The following QNG1 variants were observed in gnomAD, a reference collection of about 807,000 sequenced individuals.
The protein encoded by QNG1 is queuosine 5'-phosphate N-glycosylase/hydrolase.
At chr9:83,956,069 A>G in the QNG1 span, 9 of 1,286,000 alleles carry the variant, frequency 7.0e-6, no homozygotes, top group South Asian at 6.4e-5. Flanking sequence ...CCATTATTCC[A>G]TCTCCCAACC....
chr9:83,948,166 C>T, the QNG1 span, among the ~76,000 whole-genome samples: 1 of 151,718 alleles, frequency 6.6e-6, no homozygotes, highest in African/African-American at 2.4e-5. Context: ...CCGGCCGCGA[C>T]CCCGTCTGGG....
the QNG1 span, among the ~76,000 whole-genome samples, chr9:83,950,940 T>C: frequency 2.0e-5 from 3 of 152,116 alleles, no homozygotes; most frequent in Non-Finnish European, 2.9e-5. Flanking sequence ...AATTTTATCA[T>C]GAATAAATAG....
chr9:83,952,604 C>T, the QNG1 span, among the ~76,000 whole-genome samples: 1 of 151,996 alleles, frequency 6.6e-6, no homozygotes, highest in Non-Finnish European at 1.5e-5. Context: ...ACCATCCTGG[C>T]TAACACGGTG....
At chr9:83,943,265 G>A in the QNG1 span, among the ~76,000 whole-genome samples, 4 of 149,202 alleles carry the variant, frequency 2.7e-5, no homozygotes, top group African/African-American at 5.0e-5. Context: ...GCTTGAACCT[G>A]GGAGGCGGAG....
the QNG1 span, among the ~76,000 whole-genome samples, chr9:83,944,558 A>G: frequency 1.3e-5 from 2 of 152,270 alleles, no homozygotes; most frequent in Non-Finnish European, 2.9e-5. Flanking sequence ...AGGTTTCATT[A>G]GGCTATGAAA....
chr9:83,956,634 C>T, the QNG1 span: 1 of 701,286 alleles, frequency 1.4e-6, no homozygotes, highest in East Asian at 2.9e-5. Context: ...GGAGTGGCAC[C>T]GAGAACTTAG....
chr9:83,945,659 T>C, the QNG1 span, among the ~76,000 whole-genome samples: 82 of 152,160 alleles, frequency 5.4e-4, no homozygotes, highest in Admixed American at 1.3e-3. Flanking sequence ...TGGAGTGCAG[T>C]GGTGCAATCT....
the QNG1 span, among the ~76,000 whole-genome samples, chr9:83,952,918 T>C: frequency 1.4e-5 from 2 of 144,690 alleles, no homozygotes; most frequent in African/African-American, 5.2e-5. Flanking sequence ...AGAGATGGTG[T>C]CACCGCACTA....
At chr9:83,947,451 T>C in the QNG1 span, among the ~76,000 whole-genome samples, 1 of 152,210 alleles carries the variant, frequency 6.6e-6, no homozygotes, top group African/African-American at 2.4e-5. Flanking sequence ...GATCCAGACC[T>C]ATTTTTATTA....
chr9:83,948,687 A>G, the QNG1 span, among the ~76,000 whole-genome samples: 3 of 152,204 alleles, frequency 2.0e-5, no homozygotes, highest in Non-Finnish European at 4.4e-5. Context: ...GAGGGATCGG[A>G]TTGTTACTGT....
chr9:83,944,604 C>G, the QNG1 span, among the ~76,000 whole-genome samples: 698 of 152,256 alleles, frequency 4.6e-3, 5 homozygotes, highest in African/African-American at 0.016. Flanking sequence ...TCTACAATAT[C>G]CACATTTCAC....
At chr9:83,951,276 C>T in the QNG1 span, among the ~76,000 whole-genome samples, 1 of 151,390 alleles carries the variant, frequency 6.6e-6, no homozygotes, top group East Asian at 2.0e-4. Flanking sequence ...AAACAAAAAA[C>T]AAAGGCTGGC....
chr9:83,956,146 G>A, the QNG1 span: 5 of 1,605,266 alleles, frequency 3.1e-6, no homozygotes, highest in Middle Eastern at 1.7e-4. Context: ...TAGGTCCGAT[G>A]GCAAGTATGG....
At chr9:83,939,368 G>C in the QNG1 span, 2 of 639,082 alleles carry the variant, frequency 3.1e-6, no homozygotes, top group Non-Finnish European at 5.4e-6. Flanking sequence ...CACTGTGCCC[G>C]GCCTAGGAAG....
the QNG1 span, chr9:83,944,868 T>C: frequency 7.4e-6 from 12 of 1,613,928 alleles, no homozygotes; most frequent in Non-Finnish European, 1.0e-5. Context: ...AGGTAATCTA[T>C]AATCAGCAAA....
chr9:83,944,866 T>C, the QNG1 span: 13 of 1,613,942 alleles, frequency 8.1e-6, no homozygotes, highest in Non-Finnish European at 8.5e-7. Flanking sequence ...TGAGGTAATC[T>C]ATAATCAGCA....
At chr9:83,955,446 C>T in the QNG1 span, 1 of 1,614,168 alleles carries the variant, frequency 6.2e-7, no homozygotes, top group Non-Finnish European at 8.5e-7. Context: ...AACTTCTGCG[C>T]ACTATTCTCA....
the QNG1 span, chr9:83,953,512 T>A: frequency 3.8e-6 from 1 of 261,860 alleles, no homozygotes; most frequent in Non-Finnish European, 7.4e-6. Context: ...CACACCCGGC[T>A]AATTTTTATA....
At chr9:83,953,842 C>T in the QNG1 span, 4 of 1,539,138 alleles carry the variant, frequency 2.6e-6, no homozygotes, top group Admixed American at 3.9e-5. Flanking sequence ...TGTTCAAGTA[C>T]ACTGTGTATG....
Sources: allele counts gnomAD v4.1 joint callset (sites outside exome capture counted in the v4.1 genomes callset), GRCh38; gene constraint gnomAD v4.1.1; transcripts MANE v1.5; gene names NCBI Gene and HGNC (gene_info 2026-07-23, HGNC 2026-07-21).